The following NTNG1 variants were observed in gnomAD, a reference collection of about 807,000 sequenced individuals.
NTNG1 encodes netrin G1.
In NTNG1, 16 loss-of-function variants were observed where a neutral mutation model predicts 54.0. That is an observed-to-expected ratio of 0.30 (90% CI 0.20 to 0.45). NTNG1 has a LOEUF of 0.45. NTNG1 is among the 20% of genes least tolerant of loss of function. NTNG1 has a pLI of 1.00. For synonymous variants in NTNG1, 255 were observed against 263.1 expected (o/e 0.97, Z 0.30); for missense variants, 530 against 678.7 (o/e 0.78, Z 2.43).
At chr1:107,427,294 A>G (rs1570938455) in intron 5 of NTNG1, among the ~76,000 whole-genome samples, 1 of 152,088 alleles carries the variant, frequency 6.6e-6, no homozygotes, top group East Asian at 1.9e-4. Flanking sequence ...GGGAGTATAT[A>G]AAAGGAAGTG....
At chr1:107,372,492 A>T (rs1035774287) in intron 3 of NTNG1, among the ~76,000 whole-genome samples, 14 of 152,076 alleles carry the variant, frequency 9.2e-5, no homozygotes, top group Non-Finnish European at 1.8e-4. Context: ...TTTTTCTGTT[A>T]TGAATTTTCA....
At position 107,205,919 on chromosome 1, in the gene NTNG1, T is replaced by C. The variant is rs190768838; in HGVS notation, c.246+57080T>C. Among the ~76,000 whole-genome samples, 3 of 152,342 alleles carry C rather than the reference T, an allele frequency of 2.0e-5. No individual in the cohort carries two copies. In the East Asian group the frequency reaches 5.8e-4, roughly 29 times the overall value. On this transcript the variant is annotated intron_variant, in intron 2 of 7. Coordinates refer to ENST00000370068, the MANE Select transcript of NTNG1 (RefSeq NM_001113226.3). ...GTGGAATTGTACAGTATGTGCTCTT[T>C]CGTATCTGACTTGTTGGGTTTAATG...
At chr1:107,370,882 AAC>A (rs1670883970) in intron 3 of NTNG1, among the ~76,000 whole-genome samples, 1 of 152,042 alleles carries the variant, frequency 6.6e-6, no homozygotes, top group African/African-American at 2.4e-5. Context: ...TATAATTTTC[AAC>A]AGTTTGTTAC....
chr1:107,361,374 C>CATATATAT (rs1553232701), intron 3 of NTNG1, among the ~76,000 whole-genome samples: 9,035 of 86,876 alleles, frequency 0.1, 861 homozygotes, highest in East Asian at 0.17. Context: ...TATATATATA[C>CATATATAT]ATATATATAT....
At chr1:107,441,390 G>C (rs146028795) in intron 7 of NTNG1, among the ~76,000 whole-genome samples, 3,405 of 152,226 alleles carry the variant, frequency 0.022, 133 homozygotes, top group African/African-American at 0.078. Context: ...AATACTAATG[G>C]TACTTTCAGA....
chr1:107,368,514 T>C (rs1321102684), intron 3 of NTNG1, among the ~76,000 whole-genome samples: 1 of 152,214 alleles, frequency 6.6e-6, no homozygotes, highest in Non-Finnish European at 1.5e-5. Context: ...AAGTTGAACT[T>C]GACTTCTAAG....
intron 2 of NTNG1, among the ~76,000 whole-genome samples, chr1:107,299,610 G>A (rs1429370157): frequency 1.3e-5 from 2 of 152,152 alleles, no homozygotes; most frequent in African/African-American, 4.8e-5. Context: ...CTTAAGTAAT[G>A]TGTCCAGTAT....
At chr1:107,193,261 T>C (rs544980764) in intron 2 of NTNG1, among the ~76,000 whole-genome samples, 26 of 152,164 alleles carry the variant, frequency 1.7e-4, no homozygotes, top group African/African-American at 5.8e-4. Context: ...TTCTTACTTC[T>C]CATAGTCTTC....
intron 7 of NTNG1, among the ~76,000 whole-genome samples, chr1:107,449,945 T>A (rs1676523539): frequency 6.6e-6 from 1 of 152,112 alleles, no homozygotes; most frequent in Non-Finnish European, 1.5e-5. Flanking sequence ...AACTTCCTCA[T>A]TGCATACTTG....
chr1:107,449,393 G>A (rs991527535), intron 7 of NTNG1, among the ~76,000 whole-genome samples: 4 of 152,014 alleles, frequency 2.6e-5, no homozygotes, highest in African/African-American at 9.7e-5. Context: ...AGGATAACAT[G>A]CAGCCAGGAT....
chr1:107,449,792 C>T (rs1289837066), intron 7 of NTNG1, among the ~76,000 whole-genome samples: 1 of 150,510 alleles, frequency 6.6e-6, no homozygotes, highest in Non-Finnish European at 1.5e-5. Context: ...TGTTTAGTGT[C>T]AGCAGCGTAA....
At chr1:107,319,208 G>T (rs1256781046) in intron 2 of NTNG1, among the ~76,000 whole-genome samples, 1 of 152,078 alleles carries the variant, frequency 6.6e-6, no homozygotes, top group Non-Finnish European at 1.5e-5. Context: ...ACAAAGAAGG[G>T]GCCTTCCCAT....
chr1:107,154,321 T>C (rs773929800), intron 2 of NTNG1, among the ~76,000 whole-genome samples: 5 of 151,672 alleles, frequency 3.3e-5, no homozygotes, highest in Non-Finnish European at 7.4e-5. Context: ...TAAGGCTGGG[T>C]TGGCCAAGTA....
At chr1:107,322,417 T>C (rs1667710070) in intron 2 of NTNG1, among the ~76,000 whole-genome samples, 1 of 152,108 alleles carries the variant, frequency 6.6e-6, no homozygotes, top group South Asian at 2.1e-4. Flanking sequence ...GAAGTGACCA[T>C]ATTTTTTCAG....
intron 2 of NTNG1, among the ~76,000 whole-genome samples, chr1:107,292,452 C>A (rs561087392): frequency 3.9e-5 from 6 of 152,222 alleles, no homozygotes; most frequent in African/African-American, 1.4e-4. Flanking sequence ...CAGTGTCAGG[C>A]GATCCTCACG....
intron 2 of NTNG1, among the ~76,000 whole-genome samples, chr1:107,208,430 C>CAAAAAA (rs5776882): frequency 7.7e-6 from 1 of 130,060 alleles, no homozygotes; most frequent in African/African-American, 3.0e-5. Context: ...AACATCATCT[C>CAAAAAA]AAAAAAAAAA....
Position 107,322,371 on chromosome 1 carries a change from A to T in NTNG1, c.247-1911A>T, listed in dbSNP as rs1667707760. Among the ~76,000 whole-genome samples, 2 of 152,106 alleles carry T rather than the reference A, an allele frequency of 1.3e-5. 1 individual carries two copies. The highest frequency in any genetic ancestry group is 4.1e-4 in the South Asian group (2 of 4,822). ...GGAGGAAGATGGCAGCATCCAAGTT[A>T]ATGATAGTGCAGATGGCTACATGCT... On this transcript the variant is annotated intron_variant, in intron 2 of 7. Transcript: ENST00000370068.
intron 2 of NTNG1, among the ~76,000 whole-genome samples, chr1:107,251,848 T>A: frequency 6.6e-6 from 1 of 152,226 alleles, no homozygotes; most frequent in East Asian, 1.9e-4. Flanking sequence ...CATCCATAAG[T>A]GCATAGTTTA....
intron 2 of NTNG1, among the ~76,000 whole-genome samples, chr1:107,178,555 T>C (rs534755879): frequency 1.3e-5 from 2 of 152,238 alleles, no homozygotes; most frequent in African/African-American, 4.8e-5. Context: ...TGTTAGGACA[T>C]AGGTTCAATT....
Sources: allele counts gnomAD v4.1 joint callset (sites outside exome capture counted in the v4.1 genomes callset), GRCh38; gene constraint gnomAD v4.1.1; transcripts MANE v1.5; gene names NCBI Gene and HGNC (gene_info 2026-07-23, HGNC 2026-07-21).